NLRP4: variants seen among roughly 807,000 people sequenced by gnomAD.
NLRP4 encodes NACHT, LRR and PYD domains-containing protein 4.
In NLRP4, 44 loss-of-function variants were observed where a neutral mutation model predicts 84.7. That is an observed-to-expected ratio of 0.52 (90% CI 0.41 to 0.67). The LOEUF is 0.67. Among genes scored for constraint, NLRP4 ranks in the 30% least tolerant of loss-of-function variants. The pLI, the probability that NLRP4 is intolerant of heterozygous loss-of-function variation, is 0.00. For synonymous variants in NLRP4, 544 were observed against 476.4 expected (o/e 1.14, Z -1.85); for missense variants, 1,260 against 1,219.4 (o/e 1.03, Z -0.50).
intron 4 of NLRP4, 27 bp downstream of exon 4, chr19:55,861,574 A>C: frequency 6.2e-7 from 1 of 1,607,288 alleles, no homozygotes; most frequent in African/African-American, 1.3e-5. Flanking sequence ...CTTCGACTCG[A>C]GTATGTCACG....
chr19:55,865,391 A>T (rs1459410897), intron 5 of NLRP4, among the ~76,000 whole-genome samples: 1 of 152,042 alleles, frequency 6.6e-6, no homozygotes, highest in Non-Finnish European at 1.5e-5. Flanking sequence ...CCCACTGTTG[A>T]TGGGTATTTA....
In NLRP4 at chr19:55,858,215, C is replaced by T. The variant is rs750931294; in HGVS notation, c.822C>T (p.Ser274=). The change falls in exon 3 of 10, where the codon TCC becomes TCT. Residue 274 remains serine, a synonymous_variant. Transcript: ENST00000301295. The surrounding 1 kb of genome is among the most constrained non-coding windows in gnomAD (Gnocchi z 4.2). ...GGAAGAAGATGCTCCCGGAGGCCTC[C>T]CTGCTCATCGCTATCAAACCCGTGT... ...LLRKKMLPEA[S]LLIAIKPVCP... The T allele has an allele frequency of 6.2e-7, 1 of 1,614,128 alleles. No individual in the cohort carries two copies. Among genetic ancestry groups the T allele is most frequent in the Non-Finnish European group, 8.5e-7 (1 of 1,180,022 alleles).
At chr19:55,863,744 G>T (rs1175998604) in intron 5 of NLRP4, among the ~76,000 whole-genome samples, 1 of 152,124 alleles carries the variant, frequency 6.6e-6, no homozygotes, top group Non-Finnish European at 1.5e-5. Flanking sequence ...TTCTTGACCT[G>T]GATACTGGTA....
intron 6 of NLRP4, 78 bp from the exon 7 acceptor site, chr19:55,870,749 C>A: frequency 2.0e-6 from 2 of 1,014,414 alleles, no homozygotes; most frequent in Non-Finnish European, 1.5e-6. Context: ...AAATATTACC[C>A]TGAATGTGAA....
chr19:55,880,930 A>G (rs1429540697), intron 9 of NLRP4, among the ~76,000 whole-genome samples: 1 of 152,228 alleles, frequency 6.6e-6, no homozygotes, highest in Admixed American at 6.5e-5. Flanking sequence ...GCAGAGGGCC[A>G]GGGCCCAGGT....
chr19:55,878,054 C>T (rs1296510706), intron 8 of NLRP4, among the ~76,000 whole-genome samples: 1 of 152,094 alleles, frequency 6.6e-6, no homozygotes, highest in Non-Finnish European at 1.5e-5. Context: ...TGAGGCAAGC[C>T]AATAGCTTGA....
chr19:55,852,318 G>T lies in NLRP4; in HGVS notation c.238G>T (p.Asp80Tyr). ...NITLRIFQKMDRKDLCMKVMR... is the reference protein window; with the variant it reads ...NITLRIFQKMYRKDLCMKVMR... ...AACCTTAAGAATCTTTCAAAAGATG[G>T]ATAGAAAGGATCTCTGCATGAAGGT... Residue 80 changes from aspartate (D) to tyrosine (Y), a missense_variant, in exon 2 of 10, where the codon GAT becomes TAT. Asp to Tyr is a radical substitution (Grantham distance 160, BLOSUM62 -3). Transcript: ENST00000301295. 1 of 1,606,852 alleles carries T rather than the reference G, an allele frequency of 6.2e-7. No homozygotes were observed. Among genetic ancestry groups the T allele is most frequent in the Non-Finnish European group, 8.5e-7 (1 of 1,177,574 alleles).
intron 1 of NLRP4, among the ~76,000 whole-genome samples, chr19:55,840,336 GTA>G (rs1208560270): frequency 1.4e-3 from 164 of 120,508 alleles, no homozygotes; most frequent in African/African-American, 5.0e-3. Flanking sequence ...AGACATATGT[GTA>G]TGTGTATGTG....
chr19:55,879,785 CCTCA>C (rs1215922968), intron 9 of NLRP4, among the ~76,000 whole-genome samples: 1 of 151,796 alleles, frequency 6.6e-6, no homozygotes, highest in Non-Finnish European at 1.5e-5. Flanking sequence ...GGACTTTTGC[CCTCA>C]CTATCTGCCT....
chr19:55,872,250 T>A (rs1325371904), intron 7 of NLRP4, among the ~76,000 whole-genome samples: 1 of 152,100 alleles, frequency 6.6e-6, no homozygotes, highest in Non-Finnish European at 1.5e-5. Flanking sequence ...CTTAAACTAG[T>A]ACTGAACAGA....
rs747045224 is a variant in NLRP4 at position 55,871,034 on chromosome 19, CTT to C, written c.2525+40_2525+41del. 6.3e-6 allele frequency: 10 copies of C among 1,596,272 alleles called. No homozygotes were observed. In the South Asian group the frequency reaches 1.0e-4, roughly 16 times the overall value. ...GCTGTTTCTTTGAAGACCAAGCCGT[CTT>C]TTCAAGGGCATGCACTGCTGAGAAT... On this transcript the variant is annotated intron_variant, in intron 7 of 9. Transcript: ENST00000301295.
chr19:55,849,990 CG>C (rs1568658313), intron 1 of NLRP4, among the ~76,000 whole-genome samples: 380 of 26,746 alleles, frequency 0.014, 16 homozygotes, highest in Non-Finnish European at 0.037. Flanking sequence ...GTGTAATTTC[CG>C]AGACTGCGGT....
At chr19:55,857,620 T>G (rs1245966038) in intron 2 of NLRP4, 54 bp from the exon 3 acceptor site, 2 of 1,548,548 alleles carry the variant, frequency 1.3e-6, no homozygotes, top group Non-Finnish European at 1.8e-6. Flanking sequence ...AAAGAATATA[T>G]GCAGGAATGC....
chr19:55,856,761 A>G lies in NLRP4; in HGVS notation c.281-913A>G, dbSNP rs374436947. Among the ~76,000 whole-genome samples, 65 of 151,792 alleles carry G rather than the reference A, an allele frequency of 4.3e-4. No individual in the cohort carries two copies. The South Asian group carries it at 0.011, about 25-fold the overall frequency. Reference sequence around the variant, plus strand: ...GATCTCTTGACTTCATGATCTGCCCACCTTGGCCTCCCAAAGTTCTGGGAT... The same window carrying G: ...GATCTCTTGACTTCATGATCTGCCCGCCTTGGCCTCCCAAAGTTCTGGGAT... On this transcript the variant is annotated intron_variant, in intron 2 of 9. Transcript: ENST00000301295.
At chr19:55,872,117 G>A (rs1172915522) in intron 7 of NLRP4, among the ~76,000 whole-genome samples, 1 of 151,964 alleles carries the variant, frequency 6.6e-6, no homozygotes, top group African/African-American at 2.4e-5. Flanking sequence ...CAAAGTGCTG[G>A]GATTACAGGC....
Position 55,865,980 on chromosome 19 carries a change from G to A in NLRP4, c.2187-1729G>A, listed in dbSNP as rs146101383. The stretch of plus-strand genomic sequence containing the variant: ...CATGTGCTTTTGGTGCAATTGCTAC[G>A]AAACCATTGCCTAACCCAAATTCAT... On this transcript the variant is annotated intron_variant, in intron 5 of 9. Coordinates refer to ENST00000301295, the MANE Select transcript of NLRP4 (RefSeq NM_134444.5). 1.3e-3 allele frequency among the ~76,000 whole-genome samples: 194 copies of A among 152,144 alleles called. 1 individual carries two copies. Among genetic ancestry groups the A allele is most frequent in the African/African-American group, 4.5e-3 (185 of 41,532 alleles).
chr19:55,853,745 TTCTTTC>T (rs796364932), intron 2 of NLRP4, among the ~76,000 whole-genome samples: 3,292 of 135,954 alleles, frequency 0.024, 150 homozygotes, highest in African/African-American at 0.1. Context: ...CTTTTCCTTT[TTCTTTC>T]TCTTTCTCTT....
chr19:55,880,171 ATT>A (rs35714851), intron 9 of NLRP4, among the ~76,000 whole-genome samples: 38 of 150,984 alleles, frequency 2.5e-4, no homozygotes, highest in African/African-American at 6.3e-4. Flanking sequence ...ACATTCACTG[ATT>A]TTTTTTTTTC....
At position 55,867,766 on chromosome 19, in the gene NLRP4, C is replaced by T. The variant is rs1211915207; in HGVS notation, c.2244C>T (p.Thr748=). ...IDCEVLAGLL[T]NNKKLTYLNV... is the part of the protein sequence containing the mutation. Reference sequence around the variant, plus strand: ...GTGAAGTCCTTGCTGGCCTTCTAACCAACAACAAGAAGCTGACGTATCTGA... The same window carrying T: ...GTGAAGTCCTTGCTGGCCTTCTAACTAACAACAAGAAGCTGACGTATCTGA... Residue 748 remains threonine, a synonymous_variant, in exon 6 of 10, where the codon ACC becomes ACT. Coordinates refer to ENST00000301295, the MANE Select transcript of NLRP4 (RefSeq NM_134444.5). 1.2e-5 allele frequency: 20 copies of T among 1,614,036 alleles called. No homozygotes were observed. The highest frequency in any genetic ancestry group is 1.7e-5 in the Non-Finnish European group (20 of 1,179,910).
Sources: gnomAD v4.1 joint callset for allele counts (sites outside exome capture counted in the v4.1 genomes callset) on GRCh38, gnomAD v4.1.1 for gene constraint, Gnocchi (gnomAD v3.1) non-coding constraint, MANE v1.5 for transcripts, NCBI Gene and HGNC (gene_info 2026-07-23, HGNC 2026-07-21) for gene names.